The following GALNTL6 variants were observed in gnomAD, a reference collection of about 807,000 sequenced individuals.
The protein encoded by GALNTL6 is polypeptide N-acetylgalactosaminyltransferase-like 6.
GALNTL6 carries 46 observed loss-of-function variants against 73.7 expected under a neutral mutation model. That is an observed-to-expected ratio of 0.62 (90% CI 0.49 to 0.80). GALNTL6 has a LOEUF of 0.80. GALNTL6 is among the 30% of genes least tolerant of loss of function. The pLI, the probability that GALNTL6 is intolerant of heterozygous loss-of-function variation, is 0.00. For missense variants in GALNTL6, 604 were observed against 755.0 expected (o/e 0.80, Z 2.34); for synonymous variants, 259 against 263.7 (o/e 0.98, Z 0.17).
At chr4:172,484,354 T>A (rs1338872852) in intron 5 of GALNTL6, among the ~76,000 whole-genome samples, 1 of 152,296 alleles carries the variant, frequency 6.6e-6, no homozygotes, top group Middle Eastern at 3.4e-3. Flanking sequence ...TTTATAATAT[T>A]TAATGTTTAA....
Position 171,961,883 on chromosome 4 carries a change from G to C in GALNTL6, c.138+147165G>C, listed in dbSNP as rs74394670. Among the ~76,000 whole-genome samples the C allele has an allele frequency of 3.2e-4, 48 of 152,278 alleles. 1 individual carries two copies. The highest frequency in any genetic ancestry group is 1.1e-3 in the African/African-American group (47 of 41,558). ...AGTTCATAGAAAGCCTTCTTAATTAGTTTACTCAGGATAGATTTACTTATT... is the reference window on the plus strand; with the variant it reads ...AGTTCATAGAAAGCCTTCTTAATTACTTTACTCAGGATAGATTTACTTATT... On this transcript the variant is annotated intron_variant, in intron 2 of 12. Coordinates refer to ENST00000506823, the MANE Select transcript of GALNTL6 (RefSeq NM_001034845.3).
chr4:172,635,528 A>G (rs540500489), intron 5 of GALNTL6, among the ~76,000 whole-genome samples: 3 of 152,120 alleles, frequency 2.0e-5, no homozygotes, highest in South Asian at 4.2e-4. Flanking sequence ...CACCCTTTCA[A>G]ATTTTGCATA....
intron 5 of GALNTL6, among the ~76,000 whole-genome samples, chr4:172,714,671 G>A (rs983660876): frequency 6.6e-6 from 1 of 152,066 alleles, no homozygotes; most frequent in South Asian, 2.1e-4. Context: ...AAGTTTTAGG[G>A]TACATGTGCA....
chr4:172,969,841 T>A lies in GALNTL6; in HGVS notation c.1371+17583T>A, dbSNP rs28537729. Among the ~76,000 whole-genome samples the A allele has an allele frequency of 3.2e-3, 488 of 152,332 alleles. 1 individual carries two copies. Among genetic ancestry groups the A allele is most frequent in the African/African-American group, 0.011 (440 of 41,560 alleles). ...TGAGGGCAAAGCCGTCATGAATGCA[T>A]TGATGCTATTATCACATATCGGGGG... On this transcript the variant is annotated intron_variant, in intron 10 of 12. Transcript: ENST00000506823.
intron 2 of GALNTL6, among the ~76,000 whole-genome samples, chr4:172,152,787 T>C (rs1734140951): frequency 6.6e-6 from 1 of 152,120 alleles, no homozygotes; most frequent in Non-Finnish European, 1.5e-5. Flanking sequence ...TTTAGTATTT[T>C]TTTGTAGAGG....
chr4:171,905,469 A>G lies in GALNTL6; in HGVS notation c.138+90751A>G, dbSNP rs1485553125. 1.7e-4 allele frequency among the ~76,000 whole-genome samples: 25 copies of G among 151,436 alleles called. No individual in the cohort carries two copies. In the East Asian group the frequency reaches 4.5e-3, roughly 27 times the overall value. On this transcript the variant is annotated intron_variant, in intron 2 of 12. Transcript: ENST00000506823. ...TATCCTAAATATATATGCACCCAATACAGGAGCACCCAGATTCATAAAGCA... is the reference window on the plus strand; with the variant it reads ...TATCCTAAATATATATGCACCCAATGCAGGAGCACCCAGATTCATAAAGCA...
At chr4:172,753,727 A>C (rs1203232229) in intron 5 of GALNTL6, among the ~76,000 whole-genome samples, 1 of 152,214 alleles carries the variant, frequency 6.6e-6, no homozygotes, top group Non-Finnish European at 1.5e-5. Flanking sequence ...TTTGTCATCA[A>C]AATAAAATAT....
At chr4:172,997,816 A>G (rs1751864895) in intron 10 of GALNTL6, among the ~76,000 whole-genome samples, 1 of 152,220 alleles carries the variant, frequency 6.6e-6, no homozygotes, top group African/African-American at 2.4e-5. Context: ...TATGCTTTAT[A>G]TGCATGTAAT....
chr4:171,835,514 A>G (rs887044608), intron 2 of GALNTL6, among the ~76,000 whole-genome samples: 41 of 152,034 alleles, frequency 2.7e-4, no homozygotes, highest in African/African-American at 9.9e-4. Context: ...TCTAAAATAT[A>G]TTACTTAGGC....
chr4:171,834,126 C>A (rs970967933), intron 2 of GALNTL6, among the ~76,000 whole-genome samples: 10 of 151,910 alleles, frequency 6.6e-5, no homozygotes, highest in African/African-American at 2.4e-4. Flanking sequence ...TGTTTGTAAG[C>A]AGATGCTATA....
At chr4:172,026,110 T>A (rs546041467) in intron 2 of GALNTL6, among the ~76,000 whole-genome samples, 21 of 152,106 alleles carry the variant, frequency 1.4e-4, no homozygotes, top group Non-Finnish European at 4.4e-5. Context: ...TCTAGATTTT[T>A]AAAAAATAAA....
chr4:172,556,567 C>G (rs1409327723), intron 5 of GALNTL6, among the ~76,000 whole-genome samples: 1 of 151,848 alleles, frequency 6.6e-6, no homozygotes, highest in Non-Finnish European at 1.5e-5. Context: ...TTCTTAAATT[C>G]AAATGTAACT....
intron 8 of GALNTL6, among the ~76,000 whole-genome samples, chr4:172,927,019 G>A (rs954013665): frequency 6.6e-6 from 1 of 152,142 alleles, no homozygotes; most frequent in African/African-American, 2.4e-5. Flanking sequence ...CAATTTGGAG[G>A]AGGAGGCATG....
intron 2 of GALNTL6, among the ~76,000 whole-genome samples, chr4:172,152,773 T>C (rs1283034818): frequency 5.3e-5 from 8 of 152,022 alleles, no homozygotes; most frequent in Non-Finnish European, 1.0e-4. Context: ...GACGACAAGC[T>C]AGCTTTAGTA....
intron 5 of GALNTL6, among the ~76,000 whole-genome samples, chr4:172,528,965 G>GTA (rs1735071464): frequency 5.8e-5 from 2 of 34,496 alleles, no homozygotes; most frequent in Non-Finnish European, 1.4e-4. Flanking sequence ...ATATATATAT[G>GTA]TGTGTGTATA....
chr4:172,373,156 T>A (rs1042284947), intron 5 of GALNTL6, among the ~76,000 whole-genome samples: 1 of 152,170 alleles, frequency 6.6e-6, no homozygotes, highest in African/African-American at 2.4e-5. Context: ...ACCAAACAGG[T>A]GAGGGCTATC....
chr4:171,955,791 C>T (rs2332434), intron 2 of GALNTL6, among the ~76,000 whole-genome samples: 72,117 of 151,452 alleles, frequency 0.48, 17,649 homozygotes, highest in Middle Eastern at 0.61. Context: ...ATATAAATGG[C>T]AGCATGTTAC....
intron 2 of GALNTL6, among the ~76,000 whole-genome samples, chr4:172,022,320 A>G (rs1741429834): frequency 1.3e-5 from 2 of 152,068 alleles, no homozygotes. Context: ...ATCTTAGTTT[A>G]TGAACTAGAG....
chr4:171,852,850 T>C (rs1410475118), intron 2 of GALNTL6, among the ~76,000 whole-genome samples: 1 of 151,682 alleles, frequency 6.6e-6, no homozygotes, highest in Non-Finnish European at 1.5e-5. Context: ...GTAGGAGTTT[T>C]TTGTTTTTGT....
Sources: gnomAD v4.1 joint callset for allele counts (sites outside exome capture counted in the v4.1 genomes callset) on GRCh38, gnomAD v4.1.1 for gene constraint, MANE v1.5 for transcripts, NCBI Gene and HGNC (gene_info 2026-07-23, HGNC 2026-07-21) for gene names.